Variants in ELMO1 observed in about 807,000 individuals in gnomAD.
The protein encoded by ELMO1 is engulfment and cell motility 1, also known as engulfment and cell motility protein 1.
A neutral mutation model predicts 98.9 loss-of-function variants in ELMO1; 26 were observed. The observed-to-expected ratio is 0.26, with a 90% CI of 0.19 to 0.36. The LOEUF (loss-of-function observed/expected upper bound fraction) is 0.36, where lower values mean the gene tolerates loss of function less well. Among genes scored for constraint, ELMO1 ranks in the 10% least tolerant of loss-of-function variants. The pLI is 1.00. For synonymous variants in ELMO1, 346 were observed against 346.0 expected (o/e 1.00, Z 0.00); for missense variants, 627 against 935.2 (o/e 0.67, Z 4.30).
At chr7:37,347,890 T>C (rs1801086712) in intron 1 of ELMO1, among the ~76,000 whole-genome samples, 2 of 152,194 alleles carry the variant, frequency 1.3e-5, no homozygotes, top group Non-Finnish European at 2.9e-5. Context: ...GCCCAACTCC[T>C]CTTGGTGAGG....
At chr7:37,051,246 A>G (rs1404666362) in intron 15 of ELMO1, among the ~76,000 whole-genome samples, 3 of 152,208 alleles carry the variant, frequency 2.0e-5, no homozygotes, top group Non-Finnish European at 4.4e-5. Context: ...GTGAGATGAT[A>G]ATAAGAGCTT....
chr7:36,907,943 C>G (rs1784079051), intron 16 of ELMO1, among the ~76,000 whole-genome samples: 1 of 152,232 alleles, frequency 6.6e-6, no homozygotes, highest in Non-Finnish European at 1.5e-5. Flanking sequence ...ACCTAACACA[C>G]AGGACGGGTC....
intron 13 of ELMO1, among the ~76,000 whole-genome samples, chr7:37,192,038 G>A (rs992542492): frequency 6.6e-6 from 1 of 152,260 alleles, no homozygotes; most frequent in African/African-American, 2.4e-5. Context: ...AAAGGACAGA[G>A]TTCACAGAAG....
intron 13 of ELMO1, among the ~76,000 whole-genome samples, chr7:37,167,449 T>C (rs1789799710): frequency 6.6e-6 from 1 of 151,782 alleles, no homozygotes. Context: ...GTCTTTACAT[T>C]TTGGCATGAT....
intron 1 of ELMO1, among the ~76,000 whole-genome samples, chr7:37,424,393 G>T (rs995391442): frequency 6.6e-6 from 1 of 152,108 alleles, no homozygotes; most frequent in Non-Finnish European, 1.5e-5. Context: ...CATGGGCAGG[G>T]ATTCAGTATC....
At chr7:37,168,749 T>G (rs907733256) in intron 13 of ELMO1, among the ~76,000 whole-genome samples, 2 of 152,176 alleles carry the variant, frequency 1.3e-5, no homozygotes, top group African/African-American at 4.8e-5. Context: ...CTGCCCCTAC[T>G]GGGGGGTGCC....
intron 14 of ELMO1, among the ~76,000 whole-genome samples, chr7:37,125,982 G>T (rs1274553568): frequency 6.6e-6 from 1 of 152,018 alleles, no homozygotes; most frequent in Non-Finnish European, 1.5e-5. Context: ...AAATGATGAG[G>T]TCATGTCCTT....
chr7:36,919,506 G>C, intron 16 of ELMO1: 2 of 436,260 alleles, frequency 4.6e-6, no homozygotes, highest in Non-Finnish European at 1.0e-5. Context: ...TCACTTATGG[G>C]CTAAGTCTCT....
At chr7:37,249,137 G>C (rs551161809) in intron 6 of ELMO1, among the ~76,000 whole-genome samples, 1 of 152,134 alleles carries the variant, frequency 6.6e-6, no homozygotes, top group African/African-American at 2.4e-5. Context: ...TATAATTCAA[G>C]CTATACCTCA....
chr7:36,901,162 G>C (rs1200280620), intron 16 of ELMO1, among the ~76,000 whole-genome samples: 1 of 152,158 alleles, frequency 6.6e-6, no homozygotes, highest in African/African-American at 2.4e-5. Context: ...TCAGCTTCCG[G>C]AAACTCAAAA....
At chr7:36,944,414 C>T (rs892791908) in intron 16 of ELMO1, among the ~76,000 whole-genome samples, 4 of 152,152 alleles carry the variant, frequency 2.6e-5, no homozygotes, top group Non-Finnish European at 5.9e-5. Context: ...AAGGAGTGCA[C>T]GATTCAAACT....
At chr7:37,215,194 A>T (rs565629597) in intron 11 of ELMO1, among the ~76,000 whole-genome samples, 1 of 152,332 alleles carries the variant, frequency 6.6e-6, no homozygotes, top group Admixed American at 6.5e-5. Flanking sequence ...TGAAAGTTAC[A>T]CTCATACATT....
chr7:36,901,906 C>T (rs1375449360), intron 16 of ELMO1, among the ~76,000 whole-genome samples: 1 of 152,150 alleles, frequency 6.6e-6, no homozygotes, highest in East Asian at 1.9e-4. Context: ...ATATTCAGGA[C>T]AAATCGAACA....
At position 37,276,932 on chromosome 7, in the gene ELMO1, G is replaced by A. The variant is rs981990324; in HGVS notation, c.193-5050C>T. Among the ~76,000 whole-genome samples the A allele has an allele frequency of 6.6e-5, 10 of 152,162 alleles. No homozygotes were observed. The East Asian group carries it at 1.9e-3, about 29-fold the overall frequency. The stretch of plus-strand genomic sequence containing the variant: ...AGCCCTCGGAGCATCAATAAGTGCT[G>A]TCTATGTGCTTTTACTTATGCATCT... On this transcript the variant is annotated intron_variant, in intron 4 of 21. Transcript: ENST00000310758.
rs1805222118 is a variant in ELMO1 at position 37,437,995 on chromosome 7, A to G, written c.-74+10680T>C. Among the ~76,000 whole-genome samples, 2 of 10,698 alleles carry G rather than the reference A, an allele frequency of 1.9e-4. 1 individual carries two copies. Among genetic ancestry groups the G allele is most frequent in the African/African-American group, 4.9e-4 (2 of 4,054 alleles). 7.0% of individuals were successfully genotyped at this position (10,698 alleles called of 152,430 possible). A position where few individuals can be genotyped will look rare whatever the true frequency, so the allele number is the denominator to read the frequency against. On this transcript the variant is annotated intron_variant, in intron 1 of 21. Transcript: ENST00000310758. ...ACTCCGTCTCAAAAAAAAAAAAAAAAAAAAAAGAAATATACAATATATAAT... is the reference window on the plus strand; with the variant it reads ...ACTCCGTCTCAAAAAAAAAAAAAAAGAAAAAAGAAATATACAATATATAAT...
rs145331917 is a variant in ELMO1, at chr7:36,894,406, A to G, written c.1601+448T>C. On this transcript the variant is annotated intron_variant, in intron 17 of 21. Coordinates refer to ENST00000310758, the MANE Select transcript of ELMO1 (RefSeq NM_014800.11). ...GAGGTAGTTCACTCTCTTCCTCTCA[A>G]GCTCTCACTCCCACTCATTTAGATT... is the stretch of plus-strand genomic sequence containing the variant. Among the ~76,000 whole-genome samples, 10 of 152,280 alleles carry G rather than the reference A, an allele frequency of 6.6e-5. No individual in the cohort carries two copies. In the East Asian group the frequency reaches 1.9e-3, roughly 29 times the overall value.
Position 37,426,701 on chromosome 7 carries a change from C to G in ELMO1, c.-74+21974G>C, listed in dbSNP as rs11976433. On this transcript the variant is annotated intron_variant, in intron 1 of 21. Coordinates refer to ENST00000310758, the MANE Select transcript of ELMO1 (RefSeq NM_014800.11). ...GCCTCAGAAGTGTCACAGACAAAATCCAGGTTTTTGGCTTACATCAGTGTT... is the reference window on the plus strand; with the variant it reads ...GCCTCAGAAGTGTCACAGACAAAATGCAGGTTTTTGGCTTACATCAGTGTT... Among the ~76,000 whole-genome samples the G allele has an allele frequency of 7.7e-3, 1,178 of 152,174 alleles. 13 individuals are homozygous for G. The highest frequency in any genetic ancestry group is 0.027 in the African/African-American group (1,111 of 41,514).
At position 37,013,377 on chromosome 7, in the gene ELMO1, C is replaced by A; in HGVS notation, c.1359G>T (p.Glu453Asp). The A allele has an allele frequency of 6.2e-7, 1 of 1,614,108 alleles. No homozygotes were observed. Among genetic ancestry groups the A allele is most frequent in the Non-Finnish European group, 8.5e-7 (1 of 1,179,996 alleles). ...PMFFTHDRSF[E>D]EFFCICIQLL... is the part of the protein sequence containing the mutation. ...GCTGGATACAGATGCAGAAAAACTCCTCAAAGGATCTGTCGTGGGTGAAGA... is the reference window on the plus strand; with the variant it reads ...GCTGGATACAGATGCAGAAAAACTCATCAAAGGATCTGTCGTGGGTGAAGA... The change falls in exon 16 of 22, where the codon GAG (glutamate) becomes GAT (aspartate). Residue 453 changes from glutamate (E) to aspartate (D), a missense_variant. By Grantham distance (45) the Glu-to-Asp change is conservative (BLOSUM62 2). Transcript: ENST00000310758.
intron 13 of ELMO1, among the ~76,000 whole-genome samples, chr7:37,163,152 C>A (rs1789346623): frequency 6.6e-6 from 1 of 152,096 alleles, no homozygotes; most frequent in Non-Finnish European, 1.5e-5. Flanking sequence ...AGATATCTTT[C>A]CATTGCTTTT....
Sources: allele counts gnomAD v4.1 joint callset (sites outside exome capture counted in the v4.1 genomes callset), GRCh38; gene constraint gnomAD v4.1.1; transcripts MANE v1.5; gene names NCBI Gene and HGNC (gene_info 2026-07-23, HGNC 2026-07-21).